TMEM41A: variants seen among roughly 807,000 people sequenced by gnomAD.
TMEM41A encodes transmembrane protein 41A.
In TMEM41A, 20 loss-of-function variants were observed where a neutral mutation model predicts 25.7. The ratio of observed to expected loss-of-function variants is 0.78; its 90% confidence interval spans 0.55 to 1.13. TMEM41A has a LOEUF of 1.13. Ranked by LOEUF, TMEM41A falls within the 50% of genes most tolerant of loss-of-function variation. TMEM41A has a pLI of 0.00. For synonymous variants in TMEM41A, 133 were observed against 139.6 expected (o/e 0.95, Z 0.33); for missense variants, 299 against 314.3 (o/e 0.95, Z 0.37).
chr3:185,496,929 G>A lies in TMEM41A; in HGVS notation c.172C>T (p.Leu58Phe). ...TGGTGCTCCTTCCGGTACTCTCGAA[G>A]GACCTCAGAGAGCTCCCGCAGCTCT... ...LAELRELSEV[L>F]REYRKEHQAY... The change falls in exon 2 of 5, where the codon CTT (leucine) becomes TTT (phenylalanine). Residue 58 changes from leucine (L) to phenylalanine (F), a missense_variant. Leu to Phe is a conservative substitution (Grantham distance 22). Transcript: ENST00000421852. The A allele has an allele frequency of 2.5e-6, 4 of 1,602,638 alleles. No homozygotes were observed. The highest frequency in any genetic ancestry group is 3.4e-6 in the Non-Finnish European group (4 of 1,175,882).
At chr3:185,498,081 A>ACAC (rs1553817728) in intron 1 of TMEM41A, among the ~76,000 whole-genome samples, 22 of 85,094 alleles carry the variant, frequency 2.6e-4, no homozygotes, top group African/African-American at 9.8e-4. Context: ...ACATAATGAG[A>ACAC]CCCCCCCCCC....
In TMEM41A at chr3:185,494,651, G is replaced by T. The variant is rs139393102; in HGVS notation, c.546C>A (p.Ile182=). Residue 182 remains isoleucine (I), a synonymous_variant, in exon 4 of 5, where the codon ATC becomes ATA. Transcript: ENST00000421852. Reference sequence around the variant, plus strand: ...TAAGAACTGAGAAGAAGAACTGCACGATGGGAATGTTCAGAATTGGGGCCG... The same window carrying T: ...TAAGAACTGAGAAGAAGAACTGCACTATGGGAATGTTCAGAATTGGGGCCG... ...NLSAPILNIP[I]VQFFFSVLIG... is the part of the protein sequence containing the mutation. The T allele has an allele frequency of 9.3e-6, 15 of 1,610,416 alleles. No homozygotes were observed. Among genetic ancestry groups the T allele is most frequent in the Non-Finnish European group, 1.2e-5 (14 of 1,178,624 alleles).
intron 1 of TMEM41A, among the ~76,000 whole-genome samples, chr3:185,497,228 C>T (rs1174283597): frequency 2.6e-5 from 4 of 152,212 alleles, no homozygotes; most frequent in African/African-American, 9.7e-5. Flanking sequence ...GTTTTACGTC[C>T]TTGGACTAGT....
chr3:185,497,384 T>G (rs1719134600), intron 1 of TMEM41A, among the ~76,000 whole-genome samples: 1 of 152,176 alleles, frequency 6.6e-6, no homozygotes, highest in African/African-American at 2.4e-5. Flanking sequence ...CAAATTGCCT[T>G]CCTTTCAAGG....
chr3:185,496,842 CG>C lies in TMEM41A; in HGVS notation c.258del (p.Gly87AlafsTer5). 1 of 1,607,184 alleles carries C rather than the reference CG, an allele frequency of 6.2e-7. No individual in the cohort carries two copies. The highest frequency in any genetic ancestry group is 1.7e-5 in the Admixed American group (1 of 58,786). ...AYLYKQGFAI[P>X]GSSFLNVLAG... ...AGGACACTGACCAGGAAGCTGGAGC[CG>C]GGGATGGCAAAGCCCTGTTTGTAGA... On this transcript the variant is annotated frameshift_variant, in exon 2 of 5. Coordinates refer to ENST00000421852, the MANE Select transcript of TMEM41A (RefSeq NM_080652.4).
In TMEM41A at chr3:185,498,973, A is replaced by AGTCTG; in HGVS notation, c.-13_-12insCAGAC. ...AGAAGCGGGCGCATGTCGGCTCCGCACCCCGGCCCGCGGGGCAGCCGAGAA... is the reference window on the plus strand; with the variant it reads ...AGAAGCGGGCGCATGTCGGCTCCGCAGTCTGCCCCGGCCCGCGGGGCAGCCGAGAA... On this transcript the variant is annotated 5_prime_UTR_variant, in exon 1 of 5. Transcript: ENST00000421852. 1 of 1,583,698 alleles carries AGTCTG rather than the reference A, an allele frequency of 6.3e-7. No individual in the cohort carries two copies. Among genetic ancestry groups the AGTCTG allele is most frequent in the African/African-American group, 1.4e-5 (1 of 73,638 alleles).
chr3:185,495,112 C>A lies in TMEM41A; in HGVS notation c.435+42G>T, dbSNP rs372960910. ...TCTCTCAAGGCCATGCACGTAGCGA[C>A]TGTCTGGGGTCCCAGCTCTCAGATG... On this transcript the variant is annotated intron_variant, in intron 3 of 4. Transcript: ENST00000421852. The A allele has an allele frequency of 1.9e-6, 3 of 1,607,962 alleles. No individual in the cohort carries two copies. The African/African-American group carries it at 4.0e-5, about 21-fold the overall frequency.
At chr3:185,494,804 C>G in intron 3 of TMEM41A, 43 bp from the exon 4 acceptor site, 7 of 1,560,780 alleles carry the variant, frequency 4.5e-6, no homozygotes, top group Non-Finnish European at 6.0e-6. Context: ...CAGAAAGGGT[C>G]TCCAGGTGTT....
chr3:185,494,513 T>C (rs1239545093), intron 4 of TMEM41A, 110 bp downstream of exon 4: 1 of 1,253,570 alleles, frequency 8.0e-7, no homozygotes, highest in Non-Finnish European at 1.1e-6. Flanking sequence ...AGTCACACTT[T>C]GTGAGCCTGT....
intron 3 of TMEM41A, 153 bp from the exon 4 acceptor site, chr3:185,494,914 A>C (rs935669843): frequency 9.5e-7 from 1 of 1,055,598 alleles, no homozygotes; most frequent in Admixed American, 2.7e-5. Context: ...CCTCATTTTA[A>C]AATAGACATG....
chr3:185,496,350 C>T (rs1560148042), intron 2 of TMEM41A: 7 of 229,314 alleles, frequency 3.1e-5, no homozygotes, highest in Middle Eastern at 1.7e-3. Context: ...AAGTATCCTC[C>T]CCAAGAGCAC....
rs573414045 is a variant in TMEM41A, at chr3:185,498,081, A to ACC, written c.119+760_119+761dup. Reference sequence around the variant, plus strand: ...AGACCAGCCTGGCCAACATAATGAGACCCCCCCCCCGCGTCCCTACTAAAA... The same window carrying ACC: ...AGACCAGCCTGGCCAACATAATGAGACCCCCCCCCCCCGCGTCCCTACTAAAA... On this transcript the variant is annotated intron_variant, in intron 1 of 4. Transcript: ENST00000421852. 6.4e-3 allele frequency among the ~76,000 whole-genome samples: 541 copies of ACC among 85,128 alleles called. 7 individuals carry two copies. Among genetic ancestry groups the ACC allele is most frequent in the African/African-American group, 0.018 (411 of 22,478 alleles). 55.8% of individuals were successfully genotyped at this position (85,128 alleles called of 152,430 possible).
At chr3:185,494,454 C>A in intron 4 of TMEM41A, 169 bp downstream of exon 4, 1 of 784,698 alleles carries the variant, frequency 1.3e-6, no homozygotes, top group Non-Finnish European at 1.9e-6. Context: ...ATGTTGAAGC[C>A]TGAGCAGATC....
At chr3:185,496,685 G>C (rs753845265) in intron 2 of TMEM41A, 143 bp downstream of exon 2, 1 of 1,034,658 alleles carries the variant, frequency 9.7e-7, no homozygotes, top group Non-Finnish European at 1.4e-6. Flanking sequence ...CCCTCCGTAA[G>C]TGCTGAGGGC....
Position 185,498,880 on chromosome 3 carries a change from C to T in TMEM41A, c.82G>A (p.Gly28Arg), listed in dbSNP as rs1310360713. ...LYLLSTRLPR[G>R]RRLGSTEEAG... is the part of the protein sequence containing the mutation. ...TCCTCGGTGGAGCCCAGTCTCCGCC[C>T]GCGGGGCAGTCGCGTCGACAGCAAG... The change falls in exon 1 of 5, where the codon GGG becomes AGG. Residue 28 changes from glycine to arginine, a missense_variant. Coordinates refer to ENST00000421852, the MANE Select transcript of TMEM41A (RefSeq NM_080652.4). The T allele has an allele frequency of 1.2e-6, 2 of 1,606,136 alleles. No individual in the cohort carries two copies. The highest frequency in any genetic ancestry group is 2.7e-5 in the African/African-American group (2 of 74,512).
rs150811875 is a variant in TMEM41A at position 185,491,237 on chromosome 3, T to C, written c.*300A>G. The C allele has an allele frequency of 3.9e-3, 880 of 226,824 alleles. 5 individuals carry two copies. Among genetic ancestry groups the C allele is most frequent in the African/African-American group, 0.019 (830 of 43,692 alleles). 14.1% of individuals were successfully genotyped at this position (226,824 alleles called of 1,614,324 possible). A position where few individuals can be genotyped will look rare whatever the true frequency, so the allele number is the denominator to read the frequency against. ...GGTCTTGAACTCCTGACCTTGTGAA[T>C]CACCGGCCTCGGCCTCCCAAAGTGC... On this transcript the variant is annotated 3_prime_UTR_variant, in exon 5 of 5. Coordinates refer to ENST00000421852, the MANE Select transcript of TMEM41A (RefSeq NM_080652.4).
At chr3:185,498,542 G>A (rs991262098) in intron 1 of TMEM41A, 9 of 291,602 alleles carry the variant, frequency 3.1e-5, no homozygotes, top group Non-Finnish European at 4.5e-5. Context: ...CAGGCTCAGC[G>A]CCGCGTCTCC....
chr3:185,495,621 T>G, intron 2 of TMEM41A: 30 of 314,986 alleles, frequency 9.5e-5, no homozygotes, highest in East Asian at 2.4e-4. Context: ...TTAAAATTTT[T>G]TGTGGAGATG....
At chr3:185,492,830 G>T (rs1471448659) in intron 4 of TMEM41A, 1 of 152,242 alleles carries the variant, frequency 6.6e-6, no homozygotes, top group African/African-American at 2.4e-5. Context: ...CAGCTTGTGA[G>T]ACAGAGGACA....
Sources: allele counts gnomAD v4.1 joint callset (sites outside exome capture counted in the v4.1 genomes callset), GRCh38; gene constraint gnomAD v4.1.1; transcripts MANE v1.5; gene names NCBI Gene and HGNC (gene_info 2026-07-23, HGNC 2026-07-21).